Variants in ROBO3 observed in about 807,000 individuals in gnomAD.
The protein encoded by ROBO3 is roundabout guidance receptor 3, also known as roundabout homolog 3.
ROBO3 carries 97 observed loss-of-function variants against 160.5 expected under a neutral mutation model. The observed-to-expected ratio is 0.60, with a 90% CI of 0.51 to 0.72. The LOEUF (loss-of-function observed/expected upper bound fraction) is 0.72, where lower values mean the gene tolerates loss of function less well. Ranked by LOEUF, ROBO3 falls within the 30% of genes least tolerant of loss-of-function variation. The pLI is 0.00. For missense variants in ROBO3, 1,858 were observed against 1,846.5 expected, an observed-to-expected ratio of 1.01 and a Z score of -0.11; for synonymous variants, 780 against 746.2, an observed-to-expected ratio of 1.05 and a Z score of -0.74.
In ROBO3 at chr11:124,878,808, TA is replaced by T. The variant is rs1756349544; in HGVS notation, c.3533+13del. ...CATCAGATGCCCAGGTAGGGAGGTATATAGTACCTCACTCATTGCAAGCCCT... is the reference window on the plus strand; with the variant it reads ...CATCAGATGCCCAGGTAGGGAGGTATTAGTACCTCACTCATTGCAAGCCCT... On this transcript the variant is annotated intron_variant, in intron 23 of 27. Coordinates refer to ENST00000397801, the MANE Select transcript of ROBO3 (RefSeq NM_022370.4). The surrounding 1 kb of genome is among the most constrained non-coding windows in gnomAD (Gnocchi z 4.3). 8 of 1,589,376 alleles carry T rather than the reference TA, an allele frequency of 5.0e-6. No individual in the cohort carries two copies. The highest frequency in any genetic ancestry group is 6.9e-6 in the Non-Finnish European group (8 of 1,160,500).
Position 124,869,108 on chromosome 11 carries a change from A to G in ROBO3, c.467A>G (p.Asn156Ser). 6.4e-7 allele frequency: 1 copy of G among 1,570,146 alleles called. No homozygotes were observed. Among genetic ancestry groups the G allele is most frequent in the Non-Finnish European group, 8.6e-7 (1 of 1,158,026 alleles). ...TACCTGGGGGCAGCAGCGAGCAGAA[A>G]CGCCTCGCTGGAAGTGGCAGGTGAG... Reference protein sequence around the residue: ...RNYLGAAASRNASLEVAVLRD... With the variant: ...RNYLGAAASRSASLEVAVLRD... The change falls in exon 2 of 28, where the codon AAC becomes AGC. Residue 156 changes from asparagine to serine, a missense_variant. By Grantham distance (46) the Asn-to-Ser change is conservative. Transcript: ENST00000397801. The surrounding 1 kb of genome is among the most constrained non-coding windows in gnomAD (Gnocchi z 4.2).
At position 124,869,039 on chromosome 11, in the gene ROBO3, G is replaced by A. The variant is rs778491278; in HGVS notation, c.398G>A (p.Arg133His). ...LFFPRIVHGR[R>H]ARPDEGVYTC... ...TTCCCGCGCATCGTGCACGGGCGCC[G>A]CGCGCGGCCGGACGAAGGTGTCTAC... The change falls in exon 2 of 28, where the codon CGC (arginine) becomes CAC (histidine). Residue 133 changes from arginine (R) to histidine (H), a missense_variant. Coordinates refer to ENST00000397801, the MANE Select transcript of ROBO3 (RefSeq NM_022370.4). This position sits in a 1 kb window ranked among gnomAD's most constrained non-coding sequence, Gnocchi z 4.2. 6.2e-7 allele frequency: 1 copy of A among 1,602,368 alleles called. No individual in the cohort carries two copies. Among genetic ancestry groups the A allele is most frequent in the East Asian group, 2.3e-5 (1 of 44,374 alleles).
rs774547935 is a variant in ROBO3 at position 124,869,442 on chromosome 11, C to A, written c.488-8C>A. ...CCTGCTTATTTCGCCCCCCACCGCC[C>A]CGCCCAGTCCTCCGTGATGATTTCC... On this transcript the variant is annotated splice_polypyrimidine_tract_variant and splice_region_variant and intron_variant, in intron 2 of 27. Transcript: ENST00000397801. The surrounding 1 kb of genome is among the most constrained non-coding windows in gnomAD (Gnocchi z 4.2). 1.3e-6 allele frequency: 2 copies of A among 1,500,998 alleles called. No homozygotes were observed. The highest frequency in any genetic ancestry group is 1.8e-6 in the Non-Finnish European group (2 of 1,101,514). 93.0% of individuals were successfully genotyped at this position (1,500,998 alleles called of 1,614,324 possible).
In ROBO3 at chr11:124,876,805, C is replaced by A; in HGVS notation, c.2779+345C>A. ...GGGGCCTGGCAAGAGGGGGTGTGGC[C>A]AGGATCCCAGGCAGTAAATTGTGCG... On this transcript the variant is annotated intron_variant, in intron 17 of 27. Coordinates refer to ENST00000397801, the MANE Select transcript of ROBO3 (RefSeq NM_022370.4). This position sits in a 1 kb window ranked among gnomAD's most constrained non-coding sequence, Gnocchi z 5.3. 1.9e-6 allele frequency: 1 copy of A among 513,184 alleles called. No individual in the cohort carries two copies. Among genetic ancestry groups the A allele is most frequent in the Non-Finnish European group, 3.5e-6 (1 of 289,334 alleles). The allele number at this position is 513,184 out of a possible 1,614,324, so 31.8% of individuals were successfully genotyped here.
chr11:124,869,918 T>G lies in ROBO3; in HGVS notation c.646-30T>G, dbSNP rs764441735. On this transcript the variant is annotated intron_variant, in intron 3 of 27. Transcript: ENST00000397801. The surrounding 1 kb of genome is among the most constrained non-coding windows in gnomAD (Gnocchi z 4.2). The stretch of plus-strand genomic sequence containing the variant: ...TATATATACGCTGTGATAGCTGAAA[T>G]GGACCAAAGTTACCATTATTGCTCT... The G allele has an allele frequency of 6.4e-7, 1 of 1,569,352 alleles. No individual in the cohort carries two copies. Among genetic ancestry groups the G allele is most frequent in the Non-Finnish European group, 8.6e-7 (1 of 1,157,236 alleles).
rs768163467 is a variant in ROBO3, at chr11:124,873,285, G to T, written c.1537-25G>T. ...CTGGATCTTGCTCCACTCTCAGTTT[G>T]CCAGTGCTCTGCCCTCTCTTCCAGG... On this transcript the variant is annotated intron_variant, in intron 9 of 27. Transcript: ENST00000397801. The surrounding 1 kb of genome is among the most constrained non-coding windows in gnomAD (Gnocchi z 4.5). 1 of 1,592,578 alleles carries T rather than the reference G, an allele frequency of 6.3e-7. No homozygotes were observed. The highest frequency in any genetic ancestry group is 1.8e-5 in the Admixed American group (1 of 56,880).
At chr11:124,874,387 G>A (rs1040887024) in intron 12 of ROBO3, among the ~76,000 whole-genome samples, 151 bp downstream of exon 12, 4 of 152,174 alleles carry the variant, frequency 2.6e-5, no homozygotes, top group Non-Finnish European at 4.4e-5. Context: ...AGGAGATCAT[G>A]TTTGCCTCTC....
chr11:124,876,470 C>G lies in ROBO3; in HGVS notation c.2779+10C>G. 7.3e-7 allele frequency: 1 copy of G among 1,379,080 alleles called. No individual in the cohort carries two copies. Among genetic ancestry groups the G allele is most frequent in the Non-Finnish European group, 9.3e-7 (1 of 1,070,598 alleles). 85.4% of individuals were successfully genotyped at this position (1,379,080 alleles called of 1,614,324 possible). ...CTCAGCCACTACACGGGTGAGCTCC[C>G]GGCCTCGGAGCGGACGGATCCGGGA... is the stretch of plus-strand genomic sequence containing the variant. On this transcript the variant is annotated intron_variant, in intron 17 of 27. Transcript: ENST00000397801. This position sits in a 1 kb window ranked among gnomAD's most constrained non-coding sequence, Gnocchi z 5.3.
In ROBO3 at chr11:124,878,162, G is replaced by T; in HGVS notation, c.3181+31G>T. ...ACTCCAACTCCTGAAACCCCGTTTAGCCCTGACCAGGGTATCCCCAAAGAG... is the reference window on the plus strand; with the variant it reads ...ACTCCAACTCCTGAAACCCCGTTTATCCCTGACCAGGGTATCCCCAAAGAG... On this transcript the variant is annotated intron_variant, in intron 21 of 27. Coordinates refer to ENST00000397801, the MANE Select transcript of ROBO3 (RefSeq NM_022370.4). This position sits in a 1 kb window ranked among gnomAD's most constrained non-coding sequence, Gnocchi z 4.3. 6.3e-7 allele frequency: 1 copy of T among 1,582,790 alleles called. No homozygotes were observed. Among genetic ancestry groups the T allele is most frequent in the East Asian group, 2.3e-5 (1 of 44,172 alleles).
chr11:124,868,473 A>G (rs1165912784), intron 1 of ROBO3: 2 of 593,172 alleles, frequency 3.4e-6, no homozygotes, highest in Non-Finnish European at 6.0e-6. Flanking sequence ...TCTACTCGCC[A>G]AGCGTGGTTC....
At position 124,872,881 on chromosome 11, in the gene ROBO3, C is replaced by T. The variant is rs117828759; in HGVS notation, c.1331-3C>T. The T allele has an allele frequency of 3.7e-4, 593 of 1,595,320 alleles. 5 individuals carry two copies. In the East Asian group the frequency reaches 0.01, roughly 27 times the overall value. On this transcript the variant is annotated splice_region_variant and splice_polypyrimidine_tract_variant and intron_variant, in intron 8 of 27. Coordinates refer to ENST00000397801, the MANE Select transcript of ROBO3 (RefSeq NM_022370.4). The surrounding 1 kb of genome is among the most constrained non-coding windows in gnomAD (Gnocchi z 4.3). ...TGAGGTGCACACGTTCTTCCTCTCT[C>T]AGCCTCTTTGGATGGGCTGCCTCCT...
In ROBO3 at chr11:124,869,445, C is replaced by CCCCCCCCCA; in HGVS notation, c.488-3_488-2insCCCCCCACC. ...GCTTATTTCGCCCCCCACCGCCCCG[C>CCCCCCCCCA]CCAGTCCTCCGTGATGATTTCCGGC... On this transcript the variant is annotated splice_polypyrimidine_tract_variant and splice_region_variant and intron_variant, in intron 2 of 27. Transcript: ENST00000397801. The surrounding 1 kb of genome is among the most constrained non-coding windows in gnomAD (Gnocchi z 4.2). 1 of 1,505,510 alleles carries CCCCCCCCCA rather than the reference C, an allele frequency of 6.6e-7. No homozygotes were observed. The highest frequency in any genetic ancestry group is 9.0e-7 in the Non-Finnish European group (1 of 1,105,386). The allele number at this position is 1,505,510 out of a possible 1,614,324, so 93.3% of individuals were successfully genotyped here.
At chr11:124,868,669 A>C in intron 1 of ROBO3, 133 bp from the exon 2 acceptor site, 1 of 879,600 alleles carries the variant, frequency 1.1e-6, no homozygotes, top group Non-Finnish European at 1.8e-6. Flanking sequence ...GGGAGAGGGT[A>C]GGCAGGTGGG....
rs1565309066 is a variant in ROBO3, at chr11:124,869,434, C to G, written c.488-16C>G. ...CTCTACACCCTGCTTATTTCGCCCC[C>G]CACCGCCCCGCCCAGTCCTCCGTGA... On this transcript the variant is annotated splice_polypyrimidine_tract_variant and intron_variant, in intron 2 of 27. Coordinates refer to ENST00000397801, the MANE Select transcript of ROBO3 (RefSeq NM_022370.4). The surrounding 1 kb of genome is among the most constrained non-coding windows in gnomAD (Gnocchi z 4.2). The G allele has an allele frequency of 7.4e-7, 1 of 1,358,304 alleles. No individual in the cohort carries two copies. Among genetic ancestry groups the G allele is most frequent in the South Asian group, 1.2e-5 (1 of 81,144 alleles). 84.1% of individuals were successfully genotyped at this position (1,358,304 alleles called of 1,614,324 possible). A position where few individuals can be genotyped will look rare whatever the true frequency, so the allele number is the denominator to read the frequency against.
Position 124,880,425 on chromosome 11 carries a change from C to CT in ROBO3, c.3967dup (p.Trp1323LeufsTer34). ...TTCCCTCTTGTGCTGCAGAAGAGGC[C>CT]TGGCTCCCATACAGCAGACCAAGCT... On this transcript the variant is annotated frameshift_variant, in exon 27 of 28. Coordinates refer to ENST00000397801, the MANE Select transcript of ROBO3 (RefSeq NM_022370.4). LOFTEE classifies it high-confidence loss of function. 2 of 1,613,316 alleles carry CT rather than the reference C, an allele frequency of 1.2e-6. No individual in the cohort carries two copies. The highest frequency in any genetic ancestry group is 1.7e-6 in the Non-Finnish European group (2 of 1,179,618).
chr11:124,881,433 T>TA lies in ROBO3; in HGVS notation c.*189dup, dbSNP rs1006950781. 8.5e-5 allele frequency: 53 copies of TA among 619,970 alleles called. 1 individual carries two copies. The highest frequency in any genetic ancestry group is 2.9e-5 in the Admixed American group (1 of 34,818). 38.4% of individuals were successfully genotyped at this position (619,970 alleles called of 1,614,324 possible). A position where few individuals can be genotyped will look rare whatever the true frequency, so the allele number is the denominator to read the frequency against. On this transcript the variant is annotated 3_prime_UTR_variant, in exon 28 of 28. Transcript: ENST00000397801. The stretch of plus-strand genomic sequence containing the variant: ...TCTTTTTCCACCTGAGACTTGTTTA[T>TA]AAAAAACAAAACAATAAAAAGAGTC...
At position 124,869,429 on chromosome 11, in the gene ROBO3, G is replaced by GGCCCCC; in HGVS notation, c.488-21_488-20insGCCCCC. Reference sequence around the variant, plus strand: ...TGTCACTCTACACCCTGCTTATTTCGCCCCCCACCGCCCCGCCCAGTCCTC... The same window carrying GGCCCCC: ...TGTCACTCTACACCCTGCTTATTTCGGCCCCCCCCCCCACCGCCCCGCCCAGTCCTC... On this transcript the variant is annotated intron_variant, in intron 2 of 27. Transcript: ENST00000397801. The surrounding 1 kb of genome is among the most constrained non-coding windows in gnomAD (Gnocchi z 4.2). 2 of 1,295,764 alleles carry GGCCCCC rather than the reference G, an allele frequency of 1.5e-6. No homozygotes were observed. The highest frequency in any genetic ancestry group is 2.2e-6 in the Non-Finnish European group (2 of 929,942). 80.3% of individuals were successfully genotyped at this position (1,295,764 alleles called of 1,614,324 possible).
Position 124,878,347 on chromosome 11 carries a change from C to A in ROBO3, c.3231C>A (p.Pro1077=). Residue 1077 remains proline, a synonymous_variant, in exon 22 of 28, where the codon CCC becomes CCA. Transcript: ENST00000397801. The surrounding 1 kb of genome is among the most constrained non-coding windows in gnomAD (Gnocchi z 4.3). ...VKLLGKPVQM[P]SLNWPEALPP... ...TTCTGGGGAAACCTGTGCAGATGCC[C>A]TCTCTGAACTGGCCAGAAGCCCTGC... is the stretch of plus-strand genomic sequence containing the variant. The A allele has an allele frequency of 6.2e-7, 1 of 1,613,840 alleles. No individual in the cohort carries two copies. Among genetic ancestry groups the A allele is most frequent in the East Asian group, 2.2e-5 (1 of 44,866 alleles).
chr11:124,879,956 G>T lies in ROBO3; in HGVS notation c.3958+8G>T. 6.4e-7 allele frequency: 1 copy of T among 1,560,314 alleles called. No homozygotes were observed. The highest frequency in any genetic ancestry group is 8.7e-7 in the Non-Finnish European group (1 of 1,151,886). ...GGGTGCTCCACCCAGATGGTAAGCA[G>T]GGCCAGGGCAGGCAGGAGGGCTGCT... On this transcript the variant is annotated splice_region_variant and intron_variant, in intron 26 of 27. Coordinates refer to ENST00000397801, the MANE Select transcript of ROBO3 (RefSeq NM_022370.4).
Sources: allele counts gnomAD v4.1 joint callset (sites outside exome capture counted in the v4.1 genomes callset), GRCh38; gene constraint gnomAD v4.1.1; non-coding constraint Gnocchi (gnomAD v3.1); transcripts MANE v1.5; gene names NCBI Gene and HGNC (gene_info 2026-07-23, HGNC 2026-07-21).